The following ZFHX3 variants were observed in gnomAD, a reference collection of about 807,000 sequenced individuals.
ZFHX3 encodes zinc finger homeobox 3.
Under a neutral mutation model 279.1 loss-of-function variants are expected in ZFHX3, and 42 were observed. The observed-to-expected ratio is 0.15, with a 90% CI of 0.12 to 0.19. The LOEUF (loss-of-function observed/expected upper bound fraction) is 0.19, where lower values mean the gene tolerates loss of function less well. Among genes scored for constraint, ZFHX3 ranks in the 10% least tolerant of loss-of-function variants. The pLI is 1.00. For synonymous variants in ZFHX3, 2,293 were observed against 1,957.8 expected, an observed-to-expected ratio of 1.17 and a Z score of -4.52; for missense variants, 4,981 against 4,754.0, an observed-to-expected ratio of 1.05 and a Z score of -1.40.
chr16:73,109,404 T>C (rs565102726), intron 7 of ZFHX3, among the ~76,000 whole-genome samples: 1 of 152,208 alleles, frequency 6.6e-6, no homozygotes, highest in South Asian at 2.1e-4. Context: ...CCAACATAAA[T>C]GTGATTGAAC....
chr16:73,266,378 C>G (rs1046661613), intron 4 of ZFHX3, among the ~76,000 whole-genome samples: 2 of 152,086 alleles, frequency 1.3e-5, no homozygotes, highest in Non-Finnish European at 2.9e-5. Flanking sequence ...TTTAGTATTA[C>G]TTTCGAAAGC....
intron 1 of ZFHX3, among the ~76,000 whole-genome samples, chr16:73,683,946 T>G (rs748184860): frequency 6.6e-6 from 1 of 152,206 alleles, no homozygotes; most frequent in East Asian, 1.9e-4. Context: ...GCCAAACTAC[T>G]CAACTCTGTG....
At chr16:73,513,284 G>A (rs761563525) in intron 2 of ZFHX3, among the ~76,000 whole-genome samples, 10 of 152,168 alleles carry the variant, frequency 6.6e-5, no homozygotes, top group Admixed American at 3.9e-4. Context: ...TAGAGCCCTT[G>A]AGTCATAAAG....
intron 3 of ZFHX3, among the ~76,000 whole-genome samples, chr16:73,342,943 C>G (rs1017913792): frequency 6.6e-6 from 1 of 152,122 alleles, no homozygotes; most frequent in African/African-American, 2.4e-5. Flanking sequence ...GAGTTCTGAC[C>G]AGGTACCCTC....
chr16:73,883,794 G>A (rs2142415880), intron 1 of ZFHX3, among the ~76,000 whole-genome samples: 1 of 152,184 alleles, frequency 6.6e-6, no homozygotes, highest in Admixed American at 6.6e-5. Context: ...GCAAAGGTTA[G>A]AAGGATGAGG....
At chr16:73,254,745 C>T (rs1007158526) in intron 5 of ZFHX3, among the ~76,000 whole-genome samples, 4 of 152,174 alleles carry the variant, frequency 2.6e-5, no homozygotes, top group African/African-American at 7.2e-5. Flanking sequence ...ATCTTCATTG[C>T]AAAAAGTCAC....
chr16:73,319,820 C>T (rs977886739), intron 3 of ZFHX3, among the ~76,000 whole-genome samples: 16 of 152,046 alleles, frequency 1.1e-4, no homozygotes, highest in Admixed American at 6.6e-5. Context: ...AGAGCCCAGG[C>T]GAAGAAGAAG....
upstream of ZFHX3, chr16:73,061,518 A>G (rs1437184268): frequency 7.6e-6 from 1 of 130,762 alleles, no homozygotes; most frequent in African/African-American, 2.7e-5. Context: ...ATTATTTTAA[A>G]TTTTTCAATG....
intron 1 of ZFHX3, among the ~76,000 whole-genome samples, chr16:73,775,736 G>C (rs540037331): frequency 6.6e-6 from 1 of 152,260 alleles, no homozygotes; most frequent in South Asian, 2.1e-4. Flanking sequence ...TTTGTAAAAG[G>C]CTGCTCCATT....
intron 4 of ZFHX3, among the ~76,000 whole-genome samples, chr16:72,871,191 T>C (rs1332261710): frequency 1.3e-5 from 2 of 152,150 alleles, no homozygotes; most frequent in African/African-American, 4.8e-5. Context: ...TTATTTATTT[T>C]TGAGATGGAG....
chr16:73,348,105 T>C (rs2016154965), intron 3 of ZFHX3, among the ~76,000 whole-genome samples: 2 of 152,312 alleles, frequency 1.3e-5, no homozygotes, highest in Middle Eastern at 6.8e-3. Flanking sequence ...CATCTCTGTT[T>C]ACTAATCTTC....
intron 2 of ZFHX3, among the ~76,000 whole-genome samples, chr16:73,489,390 G>A (rs1479859172): frequency 6.6e-6 from 1 of 152,154 alleles, no homozygotes; most frequent in Non-Finnish European, 1.5e-5. Context: ...GATGAGCAAC[G>A]TAGAAATGAT....
At chr16:72,873,565 T>G (rs2038220847) in intron 4 of ZFHX3, among the ~76,000 whole-genome samples, 1 of 152,226 alleles carries the variant, frequency 6.6e-6, no homozygotes, top group Admixed American at 6.5e-5. Flanking sequence ...CTCATTTTAT[T>G]TTTTCCATCA....
chr16:73,159,289 T>C (rs897514182), intron 5 of ZFHX3, among the ~76,000 whole-genome samples: 1 of 152,246 alleles, frequency 6.6e-6, no homozygotes, highest in Non-Finnish European at 1.5e-5. Flanking sequence ...TACATTGCCA[T>C]TGTGGTAAAA....
chr16:72,909,038 C>A (rs2039255642), intron 3 of ZFHX3, among the ~76,000 whole-genome samples: 1 of 152,150 alleles, frequency 6.6e-6, no homozygotes, highest in African/African-American at 2.4e-5. Flanking sequence ...GGTTTAGTTA[C>A]CATGAAACCA....
chr16:73,039,981 T>G (rs1410475578), intron 1 of ZFHX3, among the ~76,000 whole-genome samples: 1 of 152,226 alleles, frequency 6.6e-6, no homozygotes. Flanking sequence ...TTAAAAACTA[T>G]AATCGCTTTG....
At chr16:73,645,152 T>C (rs1026200782) in intron 2 of ZFHX3, among the ~76,000 whole-genome samples, 1 of 152,256 alleles carries the variant, frequency 6.6e-6, no homozygotes, top group Admixed American at 6.5e-5. Flanking sequence ...CAGAAAGGCT[T>C]TCACTGCTAA....
chr16:72,893,715 C>A (rs1310020596), intron 3 of ZFHX3, among the ~76,000 whole-genome samples: 1 of 152,180 alleles, frequency 6.6e-6, no homozygotes, highest in Non-Finnish European at 1.5e-5. Flanking sequence ...TAAGAGGAAA[C>A]AAGAAAATGA....
intron 2 of ZFHX3, among the ~76,000 whole-genome samples, chr16:73,515,750 G>A (rs2143696993): frequency 6.6e-6 from 1 of 152,282 alleles, no homozygotes; most frequent in African/African-American, 2.4e-5. Flanking sequence ...CTGTCATAGA[G>A]GAATCTGGGA....
Sources: allele counts gnomAD v4.1 joint callset (sites outside exome capture counted in the v4.1 genomes callset), GRCh38; gene constraint gnomAD v4.1.1; transcripts MANE v1.5; gene names NCBI Gene and HGNC (gene_info 2026-07-23, HGNC 2026-07-21).